Variants in COL14A1 observed in about 807,000 individuals in gnomAD.
The protein encoded by COL14A1 is collagen alpha-1(XIV) chain.
In COL14A1, 136 loss-of-function variants were observed where a neutral mutation model predicts 230.3. The ratio of observed to expected loss-of-function variants is 0.59; its 90% confidence interval spans 0.51 to 0.68. The LOEUF (loss-of-function observed/expected upper bound fraction) is 0.68. Ranked by LOEUF, COL14A1 falls within the 30% of genes least tolerant of loss-of-function variation. COL14A1 has a pLI of 0.00. For missense variants in COL14A1, 1,976 were observed against 2,215.8 expected, an observed-to-expected ratio of 0.89 and a Z score of 2.17; for synonymous variants, 792 against 784.1, an observed-to-expected ratio of 1.01 and a Z score of -0.17.
At chr8:120,253,901 G>A (rs1586807079) in intron 22 of COL14A1, among the ~76,000 whole-genome samples, 2 of 152,306 alleles carry the variant, frequency 1.3e-5, no homozygotes, top group Middle Eastern at 3.4e-3. Flanking sequence ...TCCAGCCAGG[G>A]TGACAAGAGC....
chr8:120,332,316 C>T, intron 41 of COL14A1, 122 bp downstream of exon 41: 7 of 876,460 alleles, frequency 8.0e-6, no homozygotes, highest in Non-Finnish European at 1.3e-5. Flanking sequence ...GACAACTCAT[C>T]CCTTGATAGA....
At chr8:120,276,401 C>A (rs1819847424) in intron 26 of COL14A1, among the ~76,000 whole-genome samples, 1 of 148,586 alleles carries the variant, frequency 6.7e-6, no homozygotes, top group Non-Finnish European at 1.5e-5. Flanking sequence ...AAACTACATA[C>A]TAGATAGAAT....
At chr8:120,301,118 T>C (rs1417830456) in intron 36 of COL14A1, among the ~76,000 whole-genome samples, 1 of 152,144 alleles carries the variant, frequency 6.6e-6, no homozygotes, top group African/African-American at 2.4e-5. Context: ...TGGTTAATTT[T>C]CGGTGTGAAT....
intron 2 of COL14A1, among the ~76,000 whole-genome samples, chr8:120,153,359 A>G (rs1815352294): frequency 6.6e-6 from 1 of 152,020 alleles, no homozygotes; most frequent in Non-Finnish European, 1.5e-5. Flanking sequence ...ATTTTTGTAT[A>G]TACTTTTTAG....
At chr8:120,267,883 A>T (rs538042450) in intron 25 of COL14A1, among the ~76,000 whole-genome samples, 1 of 151,986 alleles carries the variant, frequency 6.6e-6, no homozygotes, top group Non-Finnish European at 1.5e-5. Context: ...GGGAGGATGG[A>T]CTAGAAGAAT....
intron 2 of COL14A1, among the ~76,000 whole-genome samples, chr8:120,151,504 ATGG>A (rs1464296728): frequency 1.6e-4 from 25 of 151,766 alleles, no homozygotes; most frequent in Non-Finnish European, 3.4e-4. Context: ...GCTGGGCATG[ATGG>A]TGCGCGCCTG....
intron 40 of COL14A1, among the ~76,000 whole-genome samples, chr8:120,316,697 A>G (rs1292156913): frequency 2.0e-5 from 3 of 152,106 alleles, no homozygotes; most frequent in African/African-American, 4.8e-5. Context: ...GACTTCTCAG[A>G]GGAAGTACCA....
intron 5 of COL14A1, among the ~76,000 whole-genome samples, chr8:120,195,833 T>C (rs1307956718): frequency 6.6e-6 from 1 of 152,114 alleles, no homozygotes; most frequent in Non-Finnish European, 1.5e-5. Context: ...CAGTTCAAGA[T>C]GAGATGTGGG....
At chr8:120,260,927 C>T (rs560837165) in intron 23 of COL14A1, among the ~76,000 whole-genome samples, 66 of 152,228 alleles carry the variant, frequency 4.3e-4, no homozygotes, top group African/African-American at 1.4e-3. Context: ...ATTAAAGCAA[C>T]GTCCTCTGAA....
intron 37 of COL14A1, among the ~76,000 whole-genome samples, chr8:120,311,460 A>G (rs1586852850): frequency 6.6e-6 from 1 of 152,148 alleles, no homozygotes; most frequent in East Asian, 1.9e-4. Context: ...ATTTCCTCCA[A>G]TTACCATTTC....
At chr8:120,197,120 G>A (rs531299225) in intron 6 of COL14A1, among the ~76,000 whole-genome samples, 174 bp downstream of exon 6, 25 of 152,162 alleles carry the variant, frequency 1.6e-4, no homozygotes, top group Non-Finnish European at 2.4e-4. Flanking sequence ...TCTAATTTTT[G>A]CAATGACACT....
In COL14A1 at chr8:120,163,842, C is replaced by CT. The variant is rs774373281; in HGVS notation, c.349+1283dup. Among the ~76,000 whole-genome samples the CT allele has an allele frequency of 3.9e-3, 581 of 149,794 alleles. 4 individuals are homozygous for CT. The highest frequency in any genetic ancestry group is 5.8e-3 in the African/African-American group (237 of 40,912). On this transcript the variant is annotated intron_variant, in intron 4 of 47. Coordinates refer to ENST00000297848, the MANE Select transcript of COL14A1 (RefSeq NM_021110.4). ...GTCTCTCAGGAGACATTCATTCATT[C>CT]TTTTTTTTTTCTGTTGAACAAATGT...
Position 120,345,462 on chromosome 8 carries a change from C to T in COL14A1, c.4976C>T (p.Pro1659Leu). ...ACTGTCCAAGGGCCTCCTGGGGAGCCTGGGAGGCCAGGCTCACCTGGAGCC... is the reference window on the plus strand; with the variant it reads ...ACTGTCCAAGGGCCTCCTGGGGAGCTTGGGAGGCCAGGCTCACCTGGAGCC... ...IRTVQGPPGE[P>L]GRPGSPGAPG... The change falls in exon 45 of 48, where the codon CCT (proline) becomes CTT (leucine). Residue 1659 changes from proline to leucine, a missense_variant. Around this residue, in one of 3 missense-constraint regions of COL14A1, gnomAD observed 1,791 missense variants for 2,019.5 expected, o/e 0.89. Transcript: ENST00000297848. 6.2e-7 allele frequency: 1 copy of T among 1,602,940 alleles called. No individual in the cohort carries two copies. Among genetic ancestry groups the T allele is most frequent in the Non-Finnish European group, 8.5e-7 (1 of 1,175,014 alleles).
At chr8:120,204,418 T>C (rs1278330962) in intron 9 of COL14A1, among the ~76,000 whole-genome samples, 1 of 152,198 alleles carries the variant, frequency 6.6e-6, no homozygotes, top group Non-Finnish European at 1.5e-5. Flanking sequence ...AATGGAGGTA[T>C]GTGGTATGTA....
intron 1 of COL14A1, among the ~76,000 whole-genome samples, chr8:120,141,548 AAAAAG>A (rs1193142651): frequency 6.6e-6 from 1 of 152,180 alleles, no homozygotes; most frequent in Non-Finnish European, 1.5e-5. Context: ...CTGTCTCAAA[AAAAAG>A]AAAACAAAAG....
chr8:120,181,485 A>G (rs1265337294), intron 5 of COL14A1, among the ~76,000 whole-genome samples: 1 of 152,204 alleles, frequency 6.6e-6, no homozygotes, highest in African/African-American at 2.4e-5. Flanking sequence ...GAATGGGCAA[A>G]AATTGATTTT....
At chr8:120,319,089 G>C (rs1273807273) in intron 40 of COL14A1, among the ~76,000 whole-genome samples, 1 of 152,126 alleles carries the variant, frequency 6.6e-6, no homozygotes, top group African/African-American at 2.4e-5. Context: ...CAGTAGGAGT[G>C]GTGGGCTATT....
chr8:120,316,170 A>G (rs913112912), intron 40 of COL14A1, among the ~76,000 whole-genome samples, 173 bp downstream of exon 40: 1 of 152,154 alleles, frequency 6.6e-6, no homozygotes, highest in African/African-American at 2.4e-5. Context: ...GACATCTTCT[A>G]TGTTCATTAC....
intron 1 of COL14A1, among the ~76,000 whole-genome samples, chr8:120,142,601 A>G (rs1025721295): frequency 7.9e-5 from 12 of 152,340 alleles, no homozygotes; most frequent in African/African-American, 2.9e-4. Flanking sequence ...AGGAATTTTA[A>G]GGAATTTCCA....
Sources: gnomAD v4.1 joint callset for allele counts (sites outside exome capture counted in the v4.1 genomes callset) on GRCh38, gnomAD v4.1.1 for gene constraint, gnomAD v4.1.1 regional missense constraint, MANE v1.5 for transcripts, NCBI Gene and HGNC (gene_info 2026-07-23, HGNC 2026-07-21) for gene names.